CMC2: variants seen among roughly 807,000 people sequenced by gnomAD.
CMC2 encodes the protein C-X9-C motif containing 2.
CMC2 carries 5 observed loss-of-function variants against 7.5 expected under a neutral mutation model. The observed-to-expected ratio is 0.66, with a 90% CI of 0.35 to 1.40. The LOEUF (loss-of-function observed/expected upper bound fraction) is 1.40, where lower values mean the gene tolerates loss of function less well. CMC2 is among the 40% of genes most tolerant of loss of function. The pLI is 0.04. For synonymous variants in CMC2, 37 were observed against 31.4 expected, an observed-to-expected ratio of 1.18 and a Z score of -0.60; for missense variants, 115 against 92.3, an observed-to-expected ratio of 1.25 and a Z score of -1.01.
chr16:80,997,797 C>T (rs1393492442), intron 1 of CMC2: 1 of 156,962 alleles, frequency 6.4e-6, no homozygotes, highest in Non-Finnish European at 1.4e-5. Context: ...TGAAATTCTA[C>T]CAATTAAGAG....
intron 2 of CMC2, among the ~76,000 whole-genome samples, chr16:80,993,768 T>C (rs752980168): frequency 1.3e-5 from 2 of 152,152 alleles, no homozygotes; most frequent in Non-Finnish European, 2.9e-5. Context: ...ATACAAAAGA[T>C]AAAATCCAAG....
At chr16:81,004,687 G>A (rs2151658636) in intron 1 of CMC2, among the ~76,000 whole-genome samples, 1 of 152,288 alleles carries the variant, frequency 6.6e-6, no homozygotes, top group South Asian at 2.1e-4. Flanking sequence ...AAGCTGGGAG[G>A]GTAGAAGCGG....
chr16:80,970,265 T>A lies in CMC2; in HGVS notation c.*5828A>T, dbSNP rs1457731795. 6.6e-6 allele frequency: 1 copy of A among 152,182 alleles called. No homozygotes were observed. Among genetic ancestry groups the A allele is most frequent in the African/African-American group, 2.4e-5 (1 of 41,448 alleles). The allele number at this position is 152,182 out of a possible 1,614,324, so 9.4% of individuals were successfully genotyped here. A position where few individuals can be genotyped will look rare whatever the true frequency, so the allele number is the denominator to read the frequency against. On this transcript the variant is annotated 3_prime_UTR_variant, in exon 4 of 4. Coordinates refer to ENST00000219400, the MANE Select transcript of CMC2 (RefSeq NM_020188.5). ...CTTCATGGACCGTCTCTCTCTCAAT[T>A]TAAGTCAATTCCAAATCCAAATCTC...
At chr16:80,981,022 T>C (rs1967070425) in intron 3 of CMC2, 2 of 380,604 alleles carry the variant, frequency 5.3e-6, no homozygotes, top group African/African-American at 2.1e-5. Context: ...GAAAACAAAA[T>C]CAAAAGAAAG....
rs563212431 is a variant in CMC2 at position 80,973,430 on chromosome 16, A to G, written c.*2663T>C. On this transcript the variant is annotated 3_prime_UTR_variant, in exon 4 of 4. Transcript: ENST00000219400. ...GGGGGCCCTTACTTTGTGCCAGATA[A>G]TCTATCACATACATCTCAACCAATC... 1 of 152,298 alleles carries G rather than the reference A, an allele frequency of 6.6e-6. No individual in the cohort carries two copies. The highest frequency in any genetic ancestry group is 2.4e-5 in the African/African-American group (1 of 41,562). The allele number at this position is 152,298 out of a possible 1,614,324, so 9.4% of individuals were successfully genotyped here.
At chr16:80,990,603 T>C (rs1967909829) in intron 2 of CMC2, among the ~76,000 whole-genome samples, 1 of 152,264 alleles carries the variant, frequency 6.6e-6, no homozygotes, top group African/African-American at 2.4e-5. Context: ...CAAATATGTT[T>C]TGCTATCTTC....
chr16:80,969,850 C>G lies in CMC2; in HGVS notation c.*6243G>C, dbSNP rs1300682178. ...GTTGCAGGGAGCCAAGATCACACCA[C>G]TGCACCCCAGCCTGGGTGACACAGC... On this transcript the variant is annotated 3_prime_UTR_variant, in exon 4 of 4. Transcript: ENST00000219400. 6.6e-6 allele frequency: 1 copy of G among 152,192 alleles called. No individual in the cohort carries two copies. The highest frequency in any genetic ancestry group is 2.4e-5 in the African/African-American group (1 of 41,410). 9.4% of individuals were successfully genotyped at this position (152,192 alleles called of 1,614,324 possible). A position where few individuals can be genotyped will look rare whatever the true frequency, so the allele number is the denominator to read the frequency against.
intron 3 of CMC2, chr16:80,978,404 T>A: frequency 7.9e-7 from 1 of 1,263,016 alleles, no homozygotes; most frequent in Non-Finnish European, 1.0e-6. Context: ...CCAAAGGAAG[T>A]CCAGATGGTC....
chr16:81,000,311 T>A (rs1968758690), intron 1 of CMC2, among the ~76,000 whole-genome samples: 1 of 151,808 alleles, frequency 6.6e-6, no homozygotes, highest in South Asian at 2.1e-4. Context: ...GCCTGGCCAA[T>A]ATGGTGAAAC....
At chr16:80,990,928 T>C (rs188844526) in intron 2 of CMC2, among the ~76,000 whole-genome samples, 1 of 152,082 alleles carries the variant, frequency 6.6e-6, no homozygotes, top group South Asian at 2.1e-4. Flanking sequence ...TGTCTCACTA[T>C]GTTGCCCATG....
chr16:80,991,388 A>T (rs569214009), intron 2 of CMC2, among the ~76,000 whole-genome samples: 1 of 152,284 alleles, frequency 6.6e-6, no homozygotes, highest in African/African-American at 2.4e-5. Flanking sequence ...TAATACCAGC[A>T]CTTTGGTAGG....
At chr16:80,982,959 G>A (rs561096938) in intron 2 of CMC2, 102 of 184,984 alleles carry the variant, frequency 5.5e-4, no homozygotes, top group Non-Finnish European at 9.5e-4. Context: ...GGAAAAAGTT[G>A]AACTACTTGA....
intron 1 of CMC2, among the ~76,000 whole-genome samples, chr16:81,000,849 T>C (rs191025792): frequency 9.7e-4 from 148 of 152,328 alleles, no homozygotes; most frequent in African/African-American, 3.5e-3. Flanking sequence ...ACTGGGTATA[T>C]AGCCAAAAGA....
At position 80,997,396 on chromosome 16, in the gene CMC2, T is replaced by C; in HGVS notation, c.-2A>G. The stretch of plus-strand genomic sequence containing the variant: ...GTGTGGAGATAAGTCAGGATGCATC[T>C]TTAGGAGATGAGGATGGATCACAGC... On this transcript the variant is annotated 5_prime_UTR_variant, in exon 2 of 4. Coordinates refer to ENST00000219400, the MANE Select transcript of CMC2 (RefSeq NM_020188.5). 1 of 1,605,998 alleles carries C rather than the reference T, an allele frequency of 6.2e-7. No individual in the cohort carries two copies. Among genetic ancestry groups the C allele is most frequent in the Admixed American group, 1.7e-5 (1 of 59,898 alleles).
intron 1 of CMC2, chr16:81,001,190 A>G (rs1968835732): frequency 1.3e-5 from 2 of 152,210 alleles, no homozygotes; most frequent in South Asian, 4.1e-4. Flanking sequence ...ATTGGGGACT[A>G]ATAGACGGTA....
intron 2 of CMC2, among the ~76,000 whole-genome samples, chr16:80,989,593 T>C (rs1337557273): frequency 6.6e-6 from 1 of 152,184 alleles, no homozygotes; most frequent in Non-Finnish European, 1.5e-5. Flanking sequence ...CCTGTTTCTG[T>C]TTACGGAAGA....
chr16:80,978,959 T>C (rs1966885939), intron 3 of CMC2, among the ~76,000 whole-genome samples: 1 of 152,058 alleles, frequency 6.6e-6, no homozygotes, highest in African/African-American at 2.4e-5. Flanking sequence ...TGGGCACCTG[T>C]AGTCCCAGTT....
At chr16:80,980,781 G>C in intron 3 of CMC2, 1 of 697,114 alleles carries the variant, frequency 1.4e-6, no homozygotes, top group Non-Finnish European at 2.6e-6. Context: ...TGTCGTCCTA[G>C]CTACTCAGGA....
At chr16:81,000,247 C>G (rs1014260521) in intron 1 of CMC2, among the ~76,000 whole-genome samples, 6 of 151,550 alleles carry the variant, frequency 4.0e-5, no homozygotes, top group Admixed American at 3.3e-4. Flanking sequence ...CCTGTAATCC[C>G]AGCGCTTTGG....
Sources: allele counts gnomAD v4.1 joint callset (sites outside exome capture counted in the v4.1 genomes callset), GRCh38; gene constraint gnomAD v4.1.1; transcripts MANE v1.5; gene names NCBI Gene and HGNC (gene_info 2026-07-23, HGNC 2026-07-21).